The following WWP1 variants were observed in gnomAD, a reference collection of about 807,000 sequenced individuals.
The protein encoded by WWP1 is WW domain containing E3 ubiquitin protein ligase 1, also known as NEDD4-like E3 ubiquitin-protein ligase WWP1.
WWP1 carries 49 observed loss-of-function variants against 130.6 expected under a neutral mutation model. That is an observed-to-expected ratio of 0.38 (90% CI 0.30 to 0.48). The LOEUF (loss-of-function observed/expected upper bound fraction) is 0.48. WWP1 is among the 20% of genes least tolerant of loss of function. WWP1 has a pLI of 0.99. For missense variants in WWP1, 809 were observed against 1,100.6 expected (o/e 0.74, Z 3.75); for synonymous variants, 332 against 367.8 (o/e 0.90, Z 1.11).
intron 1 of WWP1, among the ~76,000 whole-genome samples, chr8:86,366,982 A>AG (rs1189424780): frequency 1.3e-5 from 2 of 152,108 alleles, no homozygotes; most frequent in East Asian, 3.9e-4. Context: ...TGCTCTATTG[A>AG]GGGGGGAGAC....
At chr8:86,453,025 G>C (rs374642415) in intron 21 of WWP1, among the ~76,000 whole-genome samples, 1 of 152,104 alleles carries the variant, frequency 6.6e-6, no homozygotes, top group South Asian at 2.1e-4. Flanking sequence ...GGTCTTAACT[G>C]TATTTAGACT....
Position 86,381,616 on chromosome 8 carries a change from A to G in WWP1, c.321A>G (p.Ile107Met). 6.3e-7 allele frequency: 1 copy of G among 1,587,902 alleles called. No individual in the cohort carries two copies. Among genetic ancestry groups the G allele is most frequent in the East Asian group, 2.3e-5 (1 of 44,008 alleles). Residue 107 changes from isoleucine (I) to methionine (M), a missense_variant, in exon 5 of 25, where the codon ATA becomes ATG. Transcript: ENST00000517970. ...ATIDLKQALL[I>M]HNRKLERVKE... ...TAGATTTGAAACAAGCTCTGTTGAT[A>G]CACAATAGAAAATGTAAGTTTTTTG...
At chr8:86,393,217 A>AT (rs1345136299) in intron 5 of WWP1, among the ~76,000 whole-genome samples, 1 of 150,638 alleles carries the variant, frequency 6.6e-6, no homozygotes, top group African/African-American at 2.5e-5. Flanking sequence ...GTATTTATTT[A>AT]TTTTTTTGAG....
chr8:86,364,267 A>G (rs1215984355), intron 1 of WWP1, among the ~76,000 whole-genome samples: 3 of 152,160 alleles, frequency 2.0e-5, no homozygotes, highest in Non-Finnish European at 2.9e-5. Flanking sequence ...TCATTATGTA[A>G]CTAATAGTTT....
At chr8:86,422,729 G>A (rs1464507085) in intron 9 of WWP1, among the ~76,000 whole-genome samples, 3 of 151,960 alleles carry the variant, frequency 2.0e-5, no homozygotes, top group Admixed American at 6.6e-5. Flanking sequence ...AGACTAAAGA[G>A]AAATTAACGG....
Position 86,435,424 on chromosome 8 carries a change from AATTTGGTTT to A in WWP1, c.1602-23_1602-15del, listed in dbSNP as rs778743913. The A allele has an allele frequency of 6.2e-7, 1 of 1,608,570 alleles. No homozygotes were observed. Among genetic ancestry groups the A allele is most frequent in the Non-Finnish European group, 8.5e-7 (1 of 1,175,520 alleles). On this transcript the variant is annotated intron_variant, in intron 14 of 24. Coordinates refer to ENST00000517970, the MANE Select transcript of WWP1 (RefSeq NM_007013.4). Reference sequence around the variant, plus strand: ...TAAATATTCAACTTTATTATGAGTTAATTTGGTTTATTTTTGTTTTTCTTTAGAACTAAA... The same window carrying A: ...TAAATATTCAACTTTATTATGAGTTAATTTTTGTTTTTCTTTAGAACTAAA...
At chr8:86,455,146 T>C (rs916696684) in intron 21 of WWP1, among the ~76,000 whole-genome samples, 1 of 152,042 alleles carries the variant, frequency 6.6e-6, no homozygotes, top group African/African-American at 2.4e-5. Flanking sequence ...ATGAAAACTC[T>C]TACCACACTA....
chr8:86,394,280 C>A (rs1023917984), intron 5 of WWP1, among the ~76,000 whole-genome samples: 1 of 152,200 alleles, frequency 6.6e-6, no homozygotes, highest in African/African-American at 2.4e-5. Flanking sequence ...TCAAATTGTT[C>A]TGTCTCAAAT....
At chr8:86,431,034 T>A (rs1412256603) in intron 12 of WWP1, among the ~76,000 whole-genome samples, 1 of 123,486 alleles carries the variant, frequency 8.1e-6, no homozygotes, top group South Asian at 2.2e-4. Flanking sequence ...ATATGTATAT[T>A]ATATATGTAT....
At chr8:86,466,697 T>C (rs182440264) in intron 24 of WWP1, 97 bp from the exon 25 acceptor site, 673 of 771,704 alleles carry the variant, frequency 8.7e-4, no homozygotes, top group Non-Finnish European at 1.2e-3. Context: ...ATAGTATACA[T>C]ATATCCATTC....
chr8:86,347,190 T>A (rs896460019), intron 1 of WWP1, among the ~76,000 whole-genome samples: 7 of 152,072 alleles, frequency 4.6e-5, no homozygotes, highest in African/African-American at 1.4e-4. Context: ...TCTTGCTGTG[T>A]TTCCTCAGGC....
intron 1 of WWP1, among the ~76,000 whole-genome samples, chr8:86,349,198 T>C (rs1052526320): frequency 2.0e-5 from 3 of 151,954 alleles, no homozygotes; most frequent in Non-Finnish European, 4.4e-5. Flanking sequence ...ATTTTTGTAT[T>C]AGTAGAGATG....
chr8:86,352,212 T>C lies in WWP1; in HGVS notation c.-115+9282T>C, dbSNP rs530212022. 1.1e-3 allele frequency among the ~76,000 whole-genome samples: 148 copies of C among 132,288 alleles called. 1 individual carries two copies. Among genetic ancestry groups the C allele is most frequent in the Admixed American group, 1.1e-3 (15 of 13,418 alleles). 86.8% of individuals were successfully genotyped at this position (132,288 alleles called of 152,430 possible). ...GGTGTGTGCCGCGACACCTAGCTAA[T>C]TTTTTATTTTTATTTATTTATTTAT... On this transcript the variant is annotated intron_variant, in intron 1 of 24. Coordinates refer to ENST00000517970, the MANE Select transcript of WWP1 (RefSeq NM_007013.4).
chr8:86,387,859 T>C (rs1485357398), intron 5 of WWP1, among the ~76,000 whole-genome samples: 2 of 152,196 alleles, frequency 1.3e-5, no homozygotes, highest in African/African-American at 4.8e-5. Context: ...TTCTTCCATC[T>C]TCATAATGAA....
chr8:86,374,584 A>C (rs1041460825), intron 3 of WWP1, among the ~76,000 whole-genome samples: 1 of 152,210 alleles, frequency 6.6e-6, no homozygotes. Context: ...GAAAGCAAAA[A>C]ATAAAAAATA....
intron 9 of WWP1, among the ~76,000 whole-genome samples, chr8:86,424,178 C>T (rs1221788207): frequency 4.2e-5 from 6 of 144,384 alleles, no homozygotes; most frequent in Non-Finnish European, 6.1e-5. Flanking sequence ...GGTCACGGCT[C>T]GGCAGAGGCG....
At chr8:86,461,714 G>A (rs1041374541) in intron 23 of WWP1, 60 bp from the exon 24 acceptor site, 46 of 1,312,746 alleles carry the variant, frequency 3.5e-5, no homozygotes, top group Non-Finnish European at 4.7e-5. Context: ...TATTTAAGCA[G>A]TTGTCAGAAG....
chr8:86,354,949 A>G (rs1823170480), intron 1 of WWP1, among the ~76,000 whole-genome samples: 1 of 152,098 alleles, frequency 6.6e-6, no homozygotes, highest in Non-Finnish European at 1.5e-5. Context: ...CTTTTTTTAA[A>G]AAAACCCTCA....
At position 86,402,060 on chromosome 8, in the gene WWP1, C is replaced by G; in HGVS notation, c.581C>G (p.Pro194Arg). The change falls in exon 8 of 25, where the codon CCT becomes CGT. Residue 194 changes from proline (P) to arginine (R), a missense_variant. Physicochemically the swap from Pro to Arg is moderately radical, Grantham distance 103. This residue lies in a region of WWP1 where 262 missense variants were observed against 346.0 expected (regional missense o/e 0.76). Coordinates refer to ENST00000517970, the MANE Select transcript of WWP1 (RefSeq NM_007013.4). ...EGTNGIDNHV[P>R]TSTLVQNSCC... ...ACGAATGGAATAGATAATCATGTAC[C>G]TACAAGCACTCTAGTCCAAAACTCA... 1.2e-6 allele frequency: 2 copies of G among 1,612,680 alleles called. No homozygotes were observed. Among genetic ancestry groups the G allele is most frequent in the Non-Finnish European group, 1.7e-6 (2 of 1,179,388 alleles).
Sources: allele counts gnomAD v4.1 joint callset (sites outside exome capture counted in the v4.1 genomes callset), GRCh38; gene constraint gnomAD v4.1.1; regional missense constraint gnomAD v4.1.1; transcripts MANE v1.5; gene names NCBI Gene and HGNC (gene_info 2026-07-23, HGNC 2026-07-21).